The following ADCY2 variants were observed in gnomAD, a reference collection of about 807,000 sequenced individuals.
The protein encoded by ADCY2 is adenylate cyclase 2.
Under a neutral mutation model 125.2 loss-of-function variants are expected in ADCY2, and 31 were observed. The observed-to-expected ratio is 0.25, with a 90% CI of 0.19 to 0.33. The LOEUF is 0.33. ADCY2 is among the 10% of genes least tolerant of loss of function. The pLI is 1.00. For missense variants in ADCY2, 904 were observed against 1,418.2 expected, an observed-to-expected ratio of 0.64 and a Z score of 5.82; for synonymous variants, 512 against 548.4, an observed-to-expected ratio of 0.93 and a Z score of 0.93.
chr5:7,733,671 C>A (rs973019013), intron 14 of ADCY2, among the ~76,000 whole-genome samples: 4 of 152,112 alleles, frequency 2.6e-5, no homozygotes, highest in Non-Finnish European at 5.9e-5. Context: ...GAGATACAGT[C>A]TGAAAAACCC....
At chr5:7,708,474 A>T (rs1256985479) in intron 9 of ADCY2, among the ~76,000 whole-genome samples, 1 of 152,114 alleles carries the variant, frequency 6.6e-6, no homozygotes, top group African/African-American at 2.4e-5. Context: ...ATTTCTTTTA[A>T]CCCTTCTCAA....
intron 1 of ADCY2, among the ~76,000 whole-genome samples, chr5:7,410,812 A>G (rs1739679276): frequency 6.6e-6 from 1 of 152,074 alleles, no homozygotes; most frequent in African/African-American, 2.4e-5. Context: ...TTAATGTTTT[A>G]GTTTGCTTAT....
At chr5:7,499,978 A>G (rs895359098) in intron 2 of ADCY2, among the ~76,000 whole-genome samples, 9 of 152,168 alleles carry the variant, frequency 5.9e-5, no homozygotes, top group Non-Finnish European at 1.0e-4. Flanking sequence ...TTTTTACAAG[A>G]GACTCAAAGT....
At chr5:7,582,937 T>C (rs1213613208) in intron 3 of ADCY2, among the ~76,000 whole-genome samples, 1 of 152,116 alleles carries the variant, frequency 6.6e-6, no homozygotes, top group Admixed American at 6.5e-5. Context: ...ATCAGTTATA[T>C]ACATAGAAAA....
chr5:7,759,591 C>T (rs1743130528), intron 16 of ADCY2, among the ~76,000 whole-genome samples: 1 of 152,200 alleles, frequency 6.6e-6, no homozygotes, highest in Non-Finnish European at 1.5e-5. Context: ...GTGTTTGCAT[C>T]ACCCGAGGCT....
At chr5:7,586,384 A>G (rs958065422) in intron 3 of ADCY2, among the ~76,000 whole-genome samples, 1 of 152,190 alleles carries the variant, frequency 6.6e-6, no homozygotes, top group Non-Finnish European at 1.5e-5. Flanking sequence ...CCACATTAAC[A>G]GGCCTGTCCT....
rs893055580 is a variant in ADCY2, at chr5:7,476,065, C to T, written c.409-44673C>T. Among the ~76,000 whole-genome samples, 4 of 152,060 alleles carry T rather than the reference C, an allele frequency of 2.6e-5. No homozygotes were observed. The East Asian group carries it at 5.8e-4, about 22-fold the overall frequency. ...ACGGTGACAGCATGAAAAGAAATACCGCGTCTTCCTGTGCTCTGACACTTC... is the reference window on the plus strand; with the variant it reads ...ACGGTGACAGCATGAAAAGAAATACTGCGTCTTCCTGTGCTCTGACACTTC... On this transcript the variant is annotated intron_variant, in intron 2 of 24. Transcript: ENST00000338316.
intron 2 of ADCY2, among the ~76,000 whole-genome samples, chr5:7,432,539 G>A (rs1033830492): frequency 2.6e-5 from 4 of 152,148 alleles, no homozygotes; most frequent in African/African-American, 7.2e-5. Flanking sequence ...TCCATCCCAC[G>A]AGGGGTTGAG....
intron 2 of ADCY2, among the ~76,000 whole-genome samples, chr5:7,467,701 ACTC>A (rs1206997914): frequency 1.6e-4 from 25 of 151,884 alleles, no homozygotes; most frequent in Non-Finnish European, 3.4e-4. Flanking sequence ...TGTATTTAAA[ACTC>A]CTTGAGAAGA....
In ADCY2 at chr5:7,804,690, C is replaced by A. The variant is rs760829715; in HGVS notation, c.2881C>A (p.Gln961Lys). Reference protein sequence around the residue: ...LSAVPSQEHSQEPERQYMHIG... With the variant: ...LSAVPSQEHSKEPERQYMHIG... Reference sequence around the variant, plus strand: ...CGCTGTGCCCAGCCAGGAGCACTCCCAGGTAAGACGCGTTGGCCACTTAAC... The same window carrying A: ...CGCTGTGCCCAGCCAGGAGCACTCCAAGGTAAGACGCGTTGGCCACTTAAC... Residue 961 changes from glutamine (Q) to lysine (K), a missense_variant and splice_region_variant, in exon 22 of 25, where the codon CAG becomes AAG. Coordinates refer to ENST00000338316, the MANE Select transcript of ADCY2 (RefSeq NM_020546.3). 21 of 1,613,584 alleles carry A rather than the reference C, an allele frequency of 1.3e-5. No individual in the cohort carries two copies. The Admixed American group carries it at 3.5e-4, about 27-fold the overall frequency.
intron 18 of ADCY2, among the ~76,000 whole-genome samples, chr5:7,782,741 A>G (rs1273519225): frequency 1.3e-5 from 2 of 152,248 alleles, no homozygotes; most frequent in African/African-American, 4.8e-5. Context: ...TCACTATTCA[A>G]TATAGCATGA....
chr5:7,435,389 A>G (rs1216305135), intron 2 of ADCY2, among the ~76,000 whole-genome samples: 1 of 152,172 alleles, frequency 6.6e-6, no homozygotes, highest in Non-Finnish European at 1.5e-5. Flanking sequence ...ATGACTTAAC[A>G]CATCTGCCAG....
chr5:7,813,451 A>G (rs531306246), intron 22 of ADCY2, among the ~76,000 whole-genome samples: 3 of 152,356 alleles, frequency 2.0e-5, no homozygotes, highest in East Asian at 1.9e-4. Flanking sequence ...TGAAACTTCC[A>G]AAACAACCAG....
chr5:7,425,310 G>T (rs997326081), intron 2 of ADCY2, among the ~76,000 whole-genome samples: 1 of 152,190 alleles, frequency 6.6e-6, no homozygotes, highest in African/African-American at 2.4e-5. Flanking sequence ...TTTTGATGGC[G>T]GCTATCTTAG....
chr5:7,688,470 T>C (rs1051568555), intron 4 of ADCY2, among the ~76,000 whole-genome samples: 3 of 151,830 alleles, frequency 2.0e-5, no homozygotes, highest in Admixed American at 2.0e-4. Context: ...GGTTTCACCA[T>C]GTTGGCCAGG....
At chr5:7,639,822 C>T (rs569771103) in intron 4 of ADCY2, among the ~76,000 whole-genome samples, 1 of 152,280 alleles carries the variant, frequency 6.6e-6, no homozygotes, top group Admixed American at 6.5e-5. Context: ...CTTCATTCTC[C>T]CTCCCAGGCC....
chr5:7,620,810 A>G (rs1312678915), intron 3 of ADCY2, among the ~76,000 whole-genome samples: 3 of 151,846 alleles, frequency 2.0e-5, no homozygotes, highest in Admixed American at 6.6e-5. Flanking sequence ...GTGTTTTTGC[A>G]TATTTATGAT....
intron 3 of ADCY2, among the ~76,000 whole-genome samples, chr5:7,589,451 G>GAAAAA (rs1736745095): frequency 2.6e-4 from 4 of 15,374 alleles, no homozygotes; most frequent in Non-Finnish European, 6.3e-4. Context: ...AAAGAAAGAA[G>GAAAAA]GAAAGAAAAA....
At chr5:7,786,155 A>G (rs985140025) in intron 19 of ADCY2, among the ~76,000 whole-genome samples, 1 of 152,190 alleles carries the variant, frequency 6.6e-6, no homozygotes, top group Non-Finnish European at 1.5e-5. Flanking sequence ...CACCAGCTAT[A>G]AATCACCGAA....
Sources: allele counts gnomAD v4.1 joint callset (sites outside exome capture counted in the v4.1 genomes callset), GRCh38; gene constraint gnomAD v4.1.1; transcripts MANE v1.5; gene names NCBI Gene and HGNC (gene_info 2026-07-23, HGNC 2026-07-21).